Variants in PNP observed in about 807,000 individuals in gnomAD.
The protein encoded by PNP is HEL-S-156an.
In PNP, 18 loss-of-function variants were observed where a neutral mutation model predicts 26.8. The ratio of observed to expected loss-of-function variants is 0.67; its 90% CI spans 0.46 to 1.00. PNP has a LOEUF of 1.00. Among genes scored for constraint, PNP ranks in the 50% least tolerant of loss-of-function variants. The probability of loss-of-function intolerance (pLI) is 0.00; values close to 1 mark genes in which losing one functional copy is unlikely to be tolerated. For missense variants in PNP, 320 were observed against 362.9 expected (o/e 0.88, Z 0.96); for synonymous variants, 116 against 124.8 (o/e 0.93, Z 0.47).
At position 20,469,417 on chromosome 14, in the gene PNP, C is replaced by T; in HGVS notation, c.-108C>T. ...TAGACCAGTGAGCCAACTGTGCGAACCAGACCCGGCAGCCTTGCTCAGTTC... is the reference window on the plus strand; with the variant it reads ...TAGACCAGTGAGCCAACTGTGCGAATCAGACCCGGCAGCCTTGCTCAGTTC... On this transcript the variant is annotated 5_prime_UTR_variant, in exon 1 of 6. Transcript: ENST00000361505. 2 of 1,459,004 alleles carry T rather than the reference C, an allele frequency of 1.4e-6. No individual in the cohort carries two copies. Among genetic ancestry groups the T allele is most frequent in the Admixed American group, 2.0e-5 (1 of 50,876 alleles). 90.4% of individuals were successfully genotyped at this position (1,459,004 alleles called of 1,614,324 possible). A position where few individuals can be genotyped will look rare whatever the true frequency, so the allele number is the denominator to read the frequency against.
intron 1 of PNP, among the ~76,000 whole-genome samples, chr14:20,471,197 ATTTTTTTTTTTT>A (rs397960222): frequency 1.1e-5 from 1 of 90,670 alleles, no homozygotes; most frequent in Admixed American, 1.4e-4. Flanking sequence ...CGCCCGGCTA[ATTTTTTTTTTTT>A]TTTTTTTTTT....
chr14:20,474,548 C>T lies in PNP; in HGVS notation c.258C>T (p.His86=). 7 of 1,614,092 alleles carry T rather than the reference C, an allele frequency of 4.3e-6. No individual in the cohort carries two copies. Among genetic ancestry groups the T allele is most frequent in the Non-Finnish European group, 5.9e-6 (7 of 1,179,976 alleles). ...RACVMMQGRF[H]MYEGYPLWKV... ...GTGTGATGATGCAGGGCAGGTTCCA[C>T]ATGTATGAAGGGTACCCACTCTGGA... The change falls in exon 3 of 6, where the codon CAC becomes CAT. Residue 86 remains histidine (H), a synonymous_variant. Coordinates refer to ENST00000361505, the MANE Select transcript of PNP (RefSeq NM_000270.4).
At chr14:20,474,976 G>A (rs755106495) in intron 4 of PNP, 28 bp downstream of exon 4, 1 of 1,614,000 alleles carries the variant, frequency 6.2e-7, no homozygotes, top group Non-Finnish European at 8.5e-7. Context: ...TTTTTTTTAG[G>A]TGGGTAGGAT....
chr14:20,469,913 C>G, intron 1 of PNP: 1 of 407,032 alleles, frequency 2.5e-6, no homozygotes, highest in Admixed American at 3.7e-5. Context: ...CCCCTGCGCT[C>G]TTCATAAATT....
At chr14:20,474,598 G>C in intron 3 of PNP, 23 bp downstream of exon 3, 2 of 1,599,554 alleles carry the variant, frequency 1.3e-6, no homozygotes, top group Non-Finnish European at 1.7e-6. Flanking sequence ...GATAGGTCCG[G>C]TTGGATCTGG....
Position 20,476,643 on chromosome 14 carries a change from G to A in PNP, c.*42G>A. On this transcript the variant is annotated 3_prime_UTR_variant, in exon 6 of 6. Coordinates refer to ENST00000361505, the MANE Select transcript of PNP (RefSeq NM_000270.4). ...CTGGCATCTCCCACACAAGACCCAA[G>A]TAGCTGCTACCTTCTTTGGCCCCTT... 6.6e-7 allele frequency: 1 copy of A among 1,519,360 alleles called. No homozygotes were observed. Among genetic ancestry groups the A allele is most frequent in the Non-Finnish European group, 9.1e-7 (1 of 1,094,306 alleles). 94.1% of individuals were successfully genotyped at this position (1,519,360 alleles called of 1,614,324 possible).
At chr14:20,469,599 G>C (rs1380905655) in intron 1 of PNP, 64 bp downstream of exon 1, 1 of 1,547,164 alleles carries the variant, frequency 6.5e-7, no homozygotes, top group Non-Finnish European at 8.7e-7. Context: ...CCGGGAACCT[G>C]GCACACTGGG....
intron 1 of PNP, 130 bp downstream of exon 1, chr14:20,469,665 ACTGAGC>A: frequency 1.6e-6 from 2 of 1,244,278 alleles, no homozygotes; most frequent in Non-Finnish European, 2.3e-6. Flanking sequence ...GAGGCCTGGC[ACTGAGC>A]CTAGTGTCGG....
At chr14:20,470,769 C>A in intron 1 of PNP, 1 of 152,420 alleles carries the variant, frequency 6.6e-6, no homozygotes. Flanking sequence ...AGACCACAGG[C>A]AGGTGGAAAG....
chr14:20,476,608 T>C lies in PNP; in HGVS notation c.*7T>C. ...CCCTGACAAAGCCAGTTGACCTGCC[T>C]TGGAGTCGTCTGGCATCTCCCACAC... On this transcript the variant is annotated 3_prime_UTR_variant, in exon 6 of 6. Transcript: ENST00000361505. 6.2e-7 allele frequency: 1 copy of C among 1,612,946 alleles called. No individual in the cohort carries two copies.
chr14:20,474,701 G>A (rs1882060288), intron 3 of PNP, 72 bp from the exon 4 acceptor site: 9 of 1,572,046 alleles, frequency 5.7e-6, no homozygotes, highest in South Asian at 1.1e-5. Flanking sequence ...CTTTCACGAT[G>A]TATGTCATGC....
rs1244794534 is a variant in PNP at position 20,476,870 on chromosome 14, G to A, written c.*269G>A. 4 of 463,944 alleles carry A rather than the reference G, an allele frequency of 8.6e-6. No individual in the cohort carries two copies. The East Asian group carries it at 1.7e-4, about 20-fold the overall frequency. 28.7% of individuals were successfully genotyped at this position (463,944 alleles called of 1,614,324 possible). ...CCTGTTCTTTCTTACACAAGAGCTG[G>A]AGCCCGTGCCCTACCACACATCTGT... On this transcript the variant is annotated 3_prime_UTR_variant, in exon 6 of 6. Coordinates refer to ENST00000361505, the MANE Select transcript of PNP (RefSeq NM_000270.4).
At position 20,472,717 on chromosome 14, in the gene PNP, G is replaced by A. The variant is rs1882013862; in HGVS notation, c.181+240G>A. 3 of 573,000 alleles carry A rather than the reference G, an allele frequency of 5.2e-6. No homozygotes were observed. The East Asian group carries it at 8.9e-5, about 17-fold the overall frequency. The allele number at this position is 573,000 out of a possible 1,614,324, so 35.5% of individuals were successfully genotyped here. On this transcript the variant is annotated intron_variant, in intron 2 of 5. Transcript: ENST00000361505. The stretch of plus-strand genomic sequence containing the variant: ...GACTGAGGCTAAGACTCAGAAGAGG[G>A]CCAGGTGACAGGGGCCAAGTAAAGG...
rs761480383 is a variant in PNP at position 20,474,885 on chromosome 14, G to T, written c.398G>T (p.Arg133Leu). 3 of 1,614,134 alleles carry T rather than the reference G, an allele frequency of 1.9e-6. No individual in the cohort carries two copies. The highest frequency in any genetic ancestry group is 2.5e-6 in the Non-Finnish European group (3 of 1,180,024). ...GAGGTTGGAGATATCATGCTGATCC[G>T]TGACCATATCAACCTACCTGGTTTC... Reference protein sequence around the residue: ...KFEVGDIMLIRDHINLPGFSG... With the variant: ...KFEVGDIMLILDHINLPGFSG... The change falls in exon 4 of 6, where the codon CGT (arginine) becomes CTT (leucine). Residue 133 changes from arginine (R) to leucine (L), a missense_variant. Arg to Leu is a moderately radical substitution (Grantham distance 102). Transcript: ENST00000361505.
Position 20,475,184 on chromosome 14 carries a change from T to C in PNP, c.584T>C (p.Val195Ala), listed in dbSNP as rs760776000. Residue 195 changes from valine to alanine, a missense_variant, in exon 5 of 6, where the codon GTG becomes GCG. Coordinates refer to ENST00000361505, the MANE Select transcript of PNP (RefSeq NM_000270.4). Reference protein sequence around the residue: ...RELQEGTYVMVAGPSFETVAE... With the variant: ...RELQEGTYVMAAGPSFETVAE... ...CTACAGGAAGGCACCTATGTGATGG[T>C]GGCAGGCCCCAGCTTTGAGACTGTG... 5 of 1,614,136 alleles carry C rather than the reference T, an allele frequency of 3.1e-6. No individual in the cohort carries two copies. The South Asian group carries it at 5.5e-5, about 18-fold the overall frequency.
intron 5 of PNP, 68 bp downstream of exon 5, chr14:20,475,320 T>C: frequency 4.3e-5 from 51 of 1,191,012 alleles, no homozygotes; most frequent in Non-Finnish European, 5.4e-5. Flanking sequence ...GGGGAAGGAG[T>C]AGGAAATAAC....
chr14:20,470,250 G>C (rs895095813), intron 1 of PNP, among the ~76,000 whole-genome samples: 4 of 152,254 alleles, frequency 2.6e-5, no homozygotes, highest in Admixed American at 1.3e-4. Context: ...GGGTGTTCTT[G>C]AGGGGACTGA....
intron 2 of PNP, chr14:20,472,761 G>T (rs142444402): frequency 2.6e-4 from 105 of 406,658 alleles, no homozygotes; most frequent in African/African-American, 1.9e-3. Flanking sequence ...TGTTTATTTG[G>T]TTTACGTAAT....
chr14:20,473,622 G>C (rs1882035360), intron 2 of PNP: 1 of 152,304 alleles, frequency 6.6e-6, no homozygotes, highest in African/African-American at 2.4e-5. Flanking sequence ...CTCGAGTGTA[G>C]TGTTGTGATC....
Sources: gnomAD v4.1 joint callset for allele counts (sites outside exome capture counted in the v4.1 genomes callset) on GRCh38, gnomAD v4.1.1 for gene constraint, MANE v1.5 for transcripts, NCBI Gene and HGNC (gene_info 2026-07-23, HGNC 2026-07-21) for gene names.